NMUR2: variants seen among roughly 807,000 people sequenced by gnomAD.
NMUR2 encodes the protein neuromedin U receptor 2, also known as neuromedin-U receptor 2.
Under a neutral mutation model 25.1 loss-of-function variants are expected in NMUR2, and 24 were observed. That is an observed-to-expected ratio of 0.96 (90% CI 0.69 to 1.34). The LOEUF is 1.34. NMUR2 is among the 40% of genes most tolerant of loss of function. NMUR2 has a pLI of 0.00. For synonymous variants in NMUR2, 218 were observed against 208.1 expected (o/e 1.05, Z -0.41); for missense variants, 533 against 512.8 (o/e 1.04, Z -0.38).
chr5:152,403,688 A>G (rs1753295838), intron 1 of NMUR2, among the ~76,000 whole-genome samples: 1 of 148,004 alleles, frequency 6.8e-6, no homozygotes, highest in Non-Finnish European at 1.5e-5. Flanking sequence ...CAGTCATGTC[A>G]TTAATATATA....
rs547994139 is a variant in NMUR2 at position 152,398,244 on chromosome 5, G to A, written c.727-100C>T. On this transcript the variant is annotated intron_variant, in intron 1 of 3. Coordinates refer to ENST00000255262, the MANE Select transcript of NMUR2 (RefSeq NM_020167.5). The stretch of plus-strand genomic sequence containing the variant: ...AACTCAAACGCTCATTTTGAAGACA[G>A]AAGAACTGAGACCTAGAGAAATGTA... The A allele has an allele frequency of 6.0e-5, 46 of 765,032 alleles. No individual in the cohort carries two copies. In the South Asian group the frequency reaches 6.6e-4, roughly 11 times the overall value. The allele number at this position is 765,032 out of a possible 1,614,324, so 47.4% of individuals were successfully genotyped here.
chr5:152,400,189 C>T (rs1753229807), intron 1 of NMUR2, among the ~76,000 whole-genome samples: 1 of 152,056 alleles, frequency 6.6e-6, no homozygotes, highest in African/African-American at 2.4e-5. Context: ...TAAACCTGGC[C>T]ATTTGTCTCT....
rs1174456120 is a variant in NMUR2, at chr5:152,404,766, G to C, written c.348C>G (p.Pro116=). The C allele has an allele frequency of 6.2e-7, 1 of 1,613,994 alleles. No individual in the cohort carries two copies. Among genetic ancestry groups the C allele is most frequent in the Non-Finnish European group, 8.5e-7 (1 of 1,180,046 alleles). The change falls in exon 1 of 4, where the codon CCC becomes CCG. Residue 116 remains proline, a synonymous_variant. Transcript: ENST00000255262. ...MWRNYPFLFG[P]VGCYFKTALF... is the part of the protein sequence containing the mutation. ...GGGCCGTCTTGAAGTAGCAGCCCACGGGCCCGAACAAGAAAGGGTAGTTGC... is the reference window on the plus strand; with the variant it reads ...GGGCCGTCTTGAAGTAGCAGCCCACCGGCCCGAACAAGAAAGGGTAGTTGC...
In NMUR2 at chr5:152,398,048, T is replaced by A; in HGVS notation, c.811+12A>T. The A allele has an allele frequency of 6.2e-7, 1 of 1,602,996 alleles. No individual in the cohort carries two copies. Among genetic ancestry groups the A allele is most frequent in the Non-Finnish European group, 8.5e-7 (1 of 1,171,202 alleles). On this transcript the variant is annotated intron_variant, in intron 2 of 3. Transcript: ENST00000255262. The stretch of plus-strand genomic sequence containing the variant: ...GAACAAAACAAAACAAAAAACAAAA[T>A]GGGGCACTTACACAGCATCTTGTTG...
rs746761692 is a variant in NMUR2, at chr5:152,395,561, T to C, written c.835A>G (p.Ile279Val). The change falls in exon 3 of 4, where the codon ATC (isoleucine) becomes GTC (valine). Residue 279 changes from isoleucine to valine, a missense_variant. Coordinates refer to ENST00000255262, the MANE Select transcript of NMUR2 (RefSeq NM_020167.5). ...MLFVLVLVFAICWAPFHIDRL... is the reference protein window; with the variant it reads ...MLFVLVLVFAVCWAPFHIDRL... ...TCAATGTGGAACGGGGCCCAACAGA[T>C]AGCAAACACTAAGACCAAGACAACT... 15 of 1,613,454 alleles carry C rather than the reference T, an allele frequency of 9.3e-6. No individual in the cohort carries two copies. In the South Asian group the frequency reaches 1.5e-4, roughly 17 times the overall value.
rs1403042667 is a variant in NMUR2 at position 152,404,703 on chromosome 5, G to A, written c.411C>T (p.Ile137=). ...CGTAGCGCTCCACGCTGACGGTGGTGATGCTGAGGATGGAGGCGAAGCACA... is the reference window on the plus strand; with the variant it reads ...CGTAGCGCTCCACGCTGACGGTGGTAATGCTGAGGATGGAGGCGAAGCACA... ...ETVCFASILS[I]TTVSVERYVA... Residue 137 remains isoleucine (I), a synonymous_variant, in exon 1 of 4, where the codon ATC becomes ATT. Coordinates refer to ENST00000255262, the MANE Select transcript of NMUR2 (RefSeq NM_020167.5). The A allele has an allele frequency of 6.2e-7, 1 of 1,614,134 alleles. No individual in the cohort carries two copies. Among genetic ancestry groups the A allele is most frequent in the South Asian group, 1.1e-5 (1 of 91,086 alleles).
At chr5:152,402,460 C>T (rs755497431) in intron 1 of NMUR2, among the ~76,000 whole-genome samples, 1 of 152,164 alleles carries the variant, frequency 6.6e-6, no homozygotes, top group Non-Finnish European at 1.5e-5. Flanking sequence ...TGAAAACAGG[C>T]TGTCAAAAGT....
intron 1 of NMUR2, among the ~76,000 whole-genome samples, chr5:152,399,339 G>T (rs1753217156): frequency 6.6e-6 from 1 of 151,984 alleles, no homozygotes; most frequent in African/African-American, 2.4e-5. Flanking sequence ...TTGTATAGAG[G>T]TGTCACTAAA....
chr5:152,398,137 T>C lies in NMUR2; in HGVS notation c.734A>G (p.Lys245Arg). 1 of 1,611,944 alleles carries C rather than the reference T, an allele frequency of 6.2e-7. No individual in the cohort carries two copies. The highest frequency in any genetic ancestry group is 2.2e-5 in the East Asian group (1 of 44,824). ...LYYLMALRLK[K>R]DKSLEADEGN... Reference sequence around the variant, plus strand: ...TTCATCTGCCTCAAGAGATTTGTCTTTCTTTAGCTGAAAGGGAAGTAAGTT... The same window carrying C: ...TTCATCTGCCTCAAGAGATTTGTCTCTCTTTAGCTGAAAGGGAAGTAAGTT... The change falls in exon 2 of 4, where the codon AAA (lysine) becomes AGA (arginine). Residue 245 changes from lysine to arginine, a missense_variant. Coordinates refer to ENST00000255262, the MANE Select transcript of NMUR2 (RefSeq NM_020167.5).
intron 3 of NMUR2, among the ~76,000 whole-genome samples, chr5:152,393,485 G>T (rs1753096838): frequency 6.6e-6 from 1 of 152,058 alleles, no homozygotes; most frequent in Non-Finnish European, 1.5e-5. Flanking sequence ...ATATTTCTAT[G>T]CATTAATACT....
In NMUR2 at chr5:152,405,083, A is replaced by G. The variant is rs1210972405; in HGVS notation, c.31T>C (p.Ser11Pro). Residue 11 changes from serine to proline, a missense_variant, in exon 1 of 4, where the codon TCC (serine) becomes CCC (proline). Physicochemically the swap from Ser to Pro is moderately conservative, Grantham distance 74 (BLOSUM62 -1). Coordinates refer to ENST00000255262, the MANE Select transcript of NMUR2 (RefSeq NM_020167.5). MSGMEKLQNA[S>P]WIYQQKLEDP... ...TCTAGTTTCTGCTGGTAGATCCAGG[A>G]AGCATTCTGAAGTTTTTCCATCCCT... The G allele has an allele frequency of 1.2e-6, 2 of 1,611,284 alleles. No homozygotes were observed. Among genetic ancestry groups the G allele is most frequent in the Admixed American group, 1.7e-5 (1 of 59,858 alleles).
At position 152,392,425 on chromosome 5, in the gene NMUR2, G is replaced by A; in HGVS notation, c.1014C>T (p.Phe338=). The A allele has an allele frequency of 1.9e-6, 3 of 1,614,050 alleles. No homozygotes were observed. Among genetic ancestry groups the A allele is most frequent in the Non-Finnish European group, 2.5e-6 (3 of 1,179,944 alleles). The part of the protein sequence containing the change: ...NLLSRRFQAA[F]QNVISSFHKQ... ...TGTGGAAAGAAGAGATCACATTCTGGAATGCTGCCTGGAAGCGGCGAGACA... is the reference window on the plus strand; with the variant it reads ...TGTGGAAAGAAGAGATCACATTCTGAAATGCTGCCTGGAAGCGGCGAGACA... The change falls in exon 4 of 4, where the codon TTC becomes TTT. Residue 338 remains phenylalanine (F), a synonymous_variant. Coordinates refer to ENST00000255262, the MANE Select transcript of NMUR2 (RefSeq NM_020167.5).
intron 3 of NMUR2, among the ~76,000 whole-genome samples, chr5:152,394,795 A>G (rs901057749): frequency 2.7e-5 from 4 of 148,224 alleles, no homozygotes; most frequent in Admixed American, 6.7e-5. Flanking sequence ...TTTAATGTCT[A>G]TTATTGCATT....
Position 152,404,783 on chromosome 5 carries a change from G to T in NMUR2, c.331C>A (p.Pro111Thr), listed in dbSNP as rs773941371. The T allele has an allele frequency of 7.4e-6, 12 of 1,614,004 alleles. No homozygotes were observed. The African/African-American group carries it at 1.1e-4, about 14-fold the overall frequency. Residue 111 changes from proline (P) to threonine (T), a missense_variant, in exon 1 of 4, where the codon CCT becomes ACT. Transcript: ENST00000255262. The stretch of plus-strand genomic sequence containing the variant: ...CAGCCCACGGGCCCGAACAAGAAAG[G>T]GTAGTTGCGCCACATCTCATAGACC... Reference protein sequence around the residue: ...LEVYEMWRNYPFLFGPVGCYF... With the variant: ...LEVYEMWRNYTFLFGPVGCYF...
chr5:152,392,567 G>T, intron 3 of NMUR2, 66 bp from the exon 4 acceptor site: 1 of 1,296,994 alleles, frequency 7.7e-7, no homozygotes, highest in Non-Finnish European at 1.1e-6. Context: ...GAAGGAAGAA[G>T]CATAAATATT....
rs988778114 is a variant in NMUR2, at chr5:152,404,859, G to T, written c.255C>A (p.Phe85Leu). The change falls in exon 1 of 4, where the codon TTC (phenylalanine) becomes TTA (leucine). Residue 85 changes from phenylalanine to leucine, a missense_variant. By Grantham distance (22) the Phe-to-Leu change is conservative (BLOSUM62 0). Coordinates refer to ENST00000255262, the MANE Select transcript of NMUR2 (RefSeq NM_020167.5). ...AMKTPTNYYL[F>L]SLAVSDLLVL... The stretch of plus-strand genomic sequence containing the variant: ...CCAGGAGGTCAGAGACCGCCAGGCT[G>T]AAGAGGTAGTAGTTGGTGGGCGTCT... The T allele has an allele frequency of 1.2e-6, 2 of 1,614,004 alleles. No homozygotes were observed. The highest frequency in any genetic ancestry group is 2.7e-5 in the African/African-American group (2 of 74,890).
chr5:152,403,342 C>A (rs1017000715), intron 1 of NMUR2, among the ~76,000 whole-genome samples: 1 of 152,126 alleles, frequency 6.6e-6, no homozygotes, highest in African/African-American at 2.4e-5. Flanking sequence ...AGCTATAATA[C>A]CTCCCTTAAG....
Position 152,405,006 on chromosome 5 carries a change from G to C in NMUR2, c.108C>G (p.Leu36=), listed in dbSNP as rs1430069487. 1 of 1,614,022 alleles carries C rather than the reference G, an allele frequency of 6.2e-7. No homozygotes were observed. The highest frequency in any genetic ancestry group is 1.7e-5 in the Admixed American group (1 of 60,024). The part of the protein sequence containing the change: ...LNSTEEYLAF[L]CGPRRSHFFL... ...AGAAGTGGCTGCGCCGAGGTCCGCA[G>C]AGGAAGGCCAGATACTCCTCGGTGC... The change falls in exon 1 of 4, where the codon CTC becomes CTG. Residue 36 remains leucine (L), a synonymous_variant. Transcript: ENST00000255262.
rs1753337147 is a variant in NMUR2 at position 152,405,145 on chromosome 5, G to A, written c.-32C>T. On this transcript the variant is annotated 5_prime_UTR_variant, in exon 1 of 4. Coordinates refer to ENST00000255262, the MANE Select transcript of NMUR2 (RefSeq NM_020167.5). ...CCAAGGCCTGAGCCTCCCCTGGTAC[G>A]AGGCTCTGTTTCAAGCTGAGCCAGG... The A allele has an allele frequency of 1.3e-6, 2 of 1,542,340 alleles. No homozygotes were observed. Among genetic ancestry groups the A allele is most frequent in the African/African-American group, 1.4e-5 (1 of 71,498 alleles).
Sources: allele counts gnomAD v4.1 joint callset (sites outside exome capture counted in the v4.1 genomes callset), GRCh38; gene constraint gnomAD v4.1.1; transcripts MANE v1.5; gene names NCBI Gene and HGNC (gene_info 2026-07-23, HGNC 2026-07-21).